The following TACC3 variants were observed in gnomAD, a reference collection of about 807,000 sequenced individuals.
TACC3 encodes the protein transforming acidic coiled-coil-containing protein 3.
In TACC3, 52 loss-of-function variants were observed where a neutral mutation model predicts 86.0. The observed-to-expected ratio is 0.60, with a 90% CI of 0.48 to 0.76. The LOEUF is 0.76. TACC3 is among the 30% of genes least tolerant of loss of function. The pLI is 0.00. For synonymous variants in TACC3, 512 were observed against 430.0 expected (o/e 1.19, Z -2.36); for missense variants, 1,120 against 1,070.4 (o/e 1.05, Z -0.65).
At chr4:1,731,622 A>G (rs901102268) in intron 6 of TACC3, among the ~76,000 whole-genome samples, 3 of 152,298 alleles carry the variant, frequency 2.0e-5, no homozygotes, top group South Asian at 2.1e-4. Context: ...GATCATCAGA[A>G]ATACTGCTTG....
rs766022581 is a variant in TACC3, at chr4:1,731,209, C to G, written c.1499C>G (p.Thr500Arg). 6.2e-7 allele frequency: 1 copy of G among 1,613,430 alleles called. No homozygotes were observed. Among genetic ancestry groups the G allele is most frequent in the South Asian group, 1.1e-5 (1 of 91,090 alleles). The change falls in exon 6 of 16, where the codon ACA becomes AGA. Residue 500 changes from threonine (T) to arginine (R), a missense_variant. Physicochemically the swap from Thr to Arg is moderately conservative, Grantham distance 71. Coordinates refer to ENST00000313288, the MANE Select transcript of TACC3 (RefSeq NM_006342.3). ...AACTCTGCCAGCACCTCGCTTCCCA[C>G]AAGCTGTCCAGGCAGTGAGCCAGTG... ...ALNSASTSLP[T>R]SCPGSEPVPT...
intron 13 of TACC3, 43 bp downstream of exon 13, chr4:1,741,029 G>A (rs1305257749): frequency 6.4e-7 from 1 of 1,561,080 alleles, no homozygotes. Context: ...GGAGGCTGAT[G>A]GACTCATGGT....
At chr4:1,720,867 G>A (rs758727950), upstream of TACC3, 3 of 1,549,548 alleles carry the variant, frequency 1.9e-6, no homozygotes, top group South Asian at 2.4e-5. The surrounding 1 kb of genome is among the most constrained non-coding windows in gnomAD (Gnocchi z 4.4). Flanking sequence ...TGTCGAGCTA[G>A]GCCCCCGCCC....
In TACC3 at chr4:1,737,283, A is replaced by T. The variant is rs764164144; in HGVS notation, c.1791A>T (p.Glu597Asp). The T allele has an allele frequency of 4.3e-6, 7 of 1,614,152 alleles. No homozygotes were observed. The East Asian group carries it at 1.6e-4, about 36-fold the overall frequency. ...AGACTCCCTCAGGACGTCCGCGGGAAGCCAAGCTTGTGGAGTTCGATTTCT... is the reference window on the plus strand; with the variant it reads ...AGACTCCCTCAGGACGTCCGCGGGATGCCAAGCTTGTGGAGTTCGATTTCT... The part of the protein sequence containing the change: ...ANETPSGRPR[E>D]AKLVEFDFLG... The change falls in exon 9 of 16, where the codon GAA (glutamate) becomes GAT (aspartate). Residue 597 changes from glutamate to aspartate, a missense_variant. By Grantham distance (45) the Glu-to-Asp change is conservative. Transcript: ENST00000313288.
At chr4:1,744,923 C>T in intron 15 of TACC3, 25 bp from the exon 16 acceptor site, 2 of 1,611,604 alleles carry the variant, frequency 1.2e-6, no homozygotes, top group Non-Finnish European at 1.7e-6. Context: ...AGGGAGAAGC[C>T]CCGCAACTCA....
At chr4:1,731,005 G>T (rs373464982) in intron 5 of TACC3, 43 bp downstream of exon 5, 8 of 1,609,880 alleles carry the variant, frequency 5.0e-6, no homozygotes, top group Non-Finnish European at 5.9e-6. Context: ...TGGCCTGGTC[G>T]TGTAGAAGAG....
chr4:1,723,639 T>C, intron 2 of TACC3, 56 bp downstream of exon 2: 1 of 1,609,208 alleles, frequency 6.2e-7, no homozygotes, highest in East Asian at 2.2e-5. Context: ...GCCTGCTTTC[T>C]TGGTGACCTC....
At chr4:1,723,947 G>T in intron 3 of TACC3, 77 bp downstream of exon 3, 1 of 1,512,910 alleles carries the variant, frequency 6.6e-7, no homozygotes, top group African/African-American at 1.4e-5. Flanking sequence ...GTGCTGTCTT[G>T]TTCTATCAGG....
chr4:1,744,350 G>A (rs1577228668), intron 13 of TACC3, 168 bp from the exon 14 acceptor site: 1 of 630,502 alleles, frequency 1.6e-6, no homozygotes, highest in East Asian at 2.8e-5. Context: ...CAGAGGGGGT[G>A]AGCTGGGAAC....
At chr4:1,736,074 G>A (rs972082276) in intron 8 of TACC3, among the ~76,000 whole-genome samples, 4 of 152,250 alleles carry the variant, frequency 2.6e-5, no homozygotes, top group East Asian at 1.9e-4. Context: ...TACAGCCACC[G>A]TTCTAGGTAT....
chr4:1,732,763 G>A (rs1465364272), intron 6 of TACC3, among the ~76,000 whole-genome samples: 2 of 152,214 alleles, frequency 1.3e-5, no homozygotes, highest in East Asian at 1.9e-4. Flanking sequence ...GTGTGTTTCC[G>A]AGTCCTGGCC....
In TACC3 at chr4:1,744,532, G is replaced by C. The variant is rs1276205413; in HGVS notation, c.2238G>C (p.Leu746=). 6.2e-7 allele frequency: 1 copy of C among 1,612,940 alleles called. No homozygotes were observed. Among genetic ancestry groups the C allele is most frequent in the African/African-American group, 1.3e-5 (1 of 74,940 alleles). The change falls in exon 14 of 16, where the codon CTG becomes CTC. Residue 746 remains leucine, a synonymous_variant. Coordinates refer to ENST00000313288, the MANE Select transcript of TACC3 (RefSeq NM_006342.3). ...IEGYRKNEES[L]KKCVEDYLAR... ...CCCCTTCCTAGAACGAAGAGTCACT[G>C]AAGAAGTGCGTGGAGGATTACCTGG...
At chr4:1,723,893 A>G (rs1470436243) in intron 3 of TACC3, 23 bp downstream of exon 3, 1 of 1,611,570 alleles carries the variant, frequency 6.2e-7, no homozygotes, top group Non-Finnish European at 8.5e-7. Context: ...GCTGCTGGAC[A>G]TGCTGGAGCT....
In TACC3 at chr4:1,727,815, G is replaced by A; in HGVS notation, c.413G>A (p.Ser138Asn). ...GGGGATGCAAGCCCAGCCTTTGGGA[G>A]TGGCAGCTCCAGCGAGTCTGGCCCA... Reference protein sequence around the residue: ...LLGDASPAFGSGSSSESGPGA... With the variant: ...LLGDASPAFGNGSSSESGPGA... Residue 138 changes from serine to asparagine, a missense_variant, in exon 4 of 16, where the codon AGT (serine) becomes AAT (asparagine). Physicochemically the swap from Ser to Asn is conservative, Grantham distance 46 (BLOSUM62 1). Transcript: ENST00000313288. 1 of 1,612,990 alleles carries A rather than the reference G, an allele frequency of 6.2e-7. No individual in the cohort carries two copies. The highest frequency in any genetic ancestry group is 8.5e-7 in the Non-Finnish European group (1 of 1,180,006).
At position 1,735,673 on chromosome 4, in the gene TACC3, C is replaced by CG; in HGVS notation, c.1645-58_1645-57insG. The stretch of plus-strand genomic sequence containing the variant: ...TGCAGGTGACCTCCCTGGCCCTTAG[C>CG]CCCCGTGTGTGTTAGGGGATGGCAG... On this transcript the variant is annotated intron_variant, in intron 7 of 15. Transcript: ENST00000313288. The surrounding 1 kb of genome is among the most constrained non-coding windows in gnomAD (Gnocchi z 4.2). The CG allele has an allele frequency of 3.7e-6, 5 of 1,337,698 alleles. No individual in the cohort carries two copies. Among genetic ancestry groups the CG allele is most frequent in the Non-Finnish European group, 5.2e-6 (5 of 962,666 alleles). The allele number at this position is 1,337,698 out of a possible 1,614,324, so 82.9% of individuals were successfully genotyped here. A position where few individuals can be genotyped will look rare whatever the true frequency, so the allele number is the denominator to read the frequency against.
chr4:1,725,440 C>A (rs1717638732), intron 3 of TACC3, among the ~76,000 whole-genome samples: 1 of 152,202 alleles, frequency 6.6e-6, no homozygotes, highest in South Asian at 2.1e-4. Context: ...TACTTTTCAA[C>A]TTTGTTTTTT....
At chr4:1,741,691 G>A (rs1718608152) in intron 13 of TACC3, 1 of 152,268 alleles carries the variant, frequency 6.6e-6, no homozygotes, top group Non-Finnish European at 1.5e-5. Context: ...GACACCAGAT[G>A]GGTCCCCTGG....
At chr4:1,722,994 C>G (rs562292836) in intron 1 of TACC3, 1 of 166,688 alleles carries the variant, frequency 6.0e-6, no homozygotes, top group African/African-American at 2.4e-5. Flanking sequence ...GGTCCTGCCT[C>G]ACGTCACACG....
chr4:1,731,351 CG>C, intron 6 of TACC3, 50 bp downstream of exon 6: 1 of 1,594,384 alleles, frequency 6.3e-7, no homozygotes. Context: ...GAGGGGATCC[CG>C]TGAGCACTTG....
Sources: gnomAD v4.1 joint callset for allele counts (sites outside exome capture counted in the v4.1 genomes callset) on GRCh38, gnomAD v4.1.1 for gene constraint, Gnocchi (gnomAD v3.1) non-coding constraint, MANE v1.5 for transcripts, NCBI Gene and HGNC (gene_info 2026-07-23, HGNC 2026-07-21) for gene names.